The following CTDSPL variants were observed in gnomAD, a reference collection of about 807,000 sequenced individuals.
CTDSPL encodes CTD small phosphatase like.
CTDSPL carries 8 observed loss-of-function variants against 30.5 expected under a neutral mutation model. That is an observed-to-expected ratio of 0.26 (90% CI 0.15 to 0.47). The LOEUF (loss-of-function observed/expected upper bound fraction) is 0.47, where lower values mean the gene tolerates loss of function less well. Among genes scored for constraint, CTDSPL ranks in the 20% least tolerant of loss-of-function variants. The pLI is 0.99. For missense variants in CTDSPL, 248 were observed against 366.1 expected, an observed-to-expected ratio of 0.68 and a Z score of 2.63; for synonymous variants, 110 against 137.9, an observed-to-expected ratio of 0.80 and a Z score of 1.42.
intron 1 of CTDSPL, among the ~76,000 whole-genome samples, chr3:37,879,026 A>G (rs1223057792): frequency 6.6e-6 from 1 of 152,174 alleles, no homozygotes; most frequent in East Asian, 1.9e-4. Flanking sequence ...TGTGTGGGAC[A>G]CCTTTCTGGC....
intron 1 of CTDSPL, among the ~76,000 whole-genome samples, chr3:37,872,482 G>C (rs1698084043): frequency 1.4e-5 from 2 of 142,878 alleles, no homozygotes; most frequent in Non-Finnish European, 3.0e-5. Context: ...CATCAGGAAA[G>C]AAGCACTGCC....
At chr3:37,950,296 T>G (rs1699092620) in intron 2 of CTDSPL, among the ~76,000 whole-genome samples, 1 of 152,078 alleles carries the variant, frequency 6.6e-6, no homozygotes, top group Non-Finnish European at 1.5e-5. Flanking sequence ...CACAACCTGG[T>G]GCAAGCAAAG....
intron 1 of CTDSPL, among the ~76,000 whole-genome samples, chr3:37,933,596 C>T (rs969272069): frequency 2.0e-5 from 3 of 152,194 alleles, no homozygotes; most frequent in Non-Finnish European, 2.9e-5. Context: ...TGGGTTTGAA[C>T]AAACTCCACT....
intron 1 of CTDSPL, among the ~76,000 whole-genome samples, chr3:37,877,040 A>C (rs1249090365): frequency 6.6e-6 from 1 of 151,128 alleles, no homozygotes; most frequent in Non-Finnish European, 1.5e-5. Flanking sequence ...CAGGAGGCAA[A>C]GGTTGCAGTG....
intron 3 of CTDSPL, among the ~76,000 whole-genome samples, chr3:37,964,304 T>C (rs988533336): frequency 1.3e-5 from 2 of 152,188 alleles, no homozygotes; most frequent in Middle Eastern, 3.2e-3. Context: ...TAGGTATTAC[T>C]ATCCCAATTT....
intron 3 of CTDSPL, among the ~76,000 whole-genome samples, chr3:37,959,663 A>C (rs776909738): frequency 6.6e-6 from 1 of 152,196 alleles, no homozygotes; most frequent in Non-Finnish European, 1.5e-5. Context: ...GCTATTACAA[A>C]TATTTCTCTT....
At chr3:37,934,903 G>A (rs1400129644) in intron 1 of CTDSPL, among the ~76,000 whole-genome samples, 1 of 152,108 alleles carries the variant, frequency 6.6e-6, no homozygotes, top group Admixed American at 6.5e-5. Flanking sequence ...AGGTCCTAGG[G>A]GACTCAGATA....
At chr3:37,867,704 C>T (rs775819375) in intron 1 of CTDSPL, among the ~76,000 whole-genome samples, 11 of 152,094 alleles carry the variant, frequency 7.2e-5, no homozygotes, top group Non-Finnish European at 1.5e-4. Flanking sequence ...AGAGAGGTCC[C>T]ATGTACCCAT....
intron 7 of CTDSPL, among the ~76,000 whole-genome samples, chr3:37,980,013 A>T (rs1699471959): frequency 6.6e-6 from 1 of 152,134 alleles, no homozygotes; most frequent in South Asian, 2.1e-4. Flanking sequence ...TATTTTTCAA[A>T]GTTACGTAAT....
intron 1 of CTDSPL, among the ~76,000 whole-genome samples, chr3:37,904,926 C>T (rs1348228087): frequency 3.3e-5 from 5 of 152,106 alleles, no homozygotes; most frequent in Admixed American, 2.6e-4. Context: ...CAAAACATGA[C>T]TCAGTCTAAT....
intron 2 of CTDSPL, among the ~76,000 whole-genome samples, chr3:37,952,536 G>A (rs1488448655): frequency 6.6e-6 from 1 of 152,222 alleles, no homozygotes; most frequent in Non-Finnish European, 1.5e-5. Flanking sequence ...GAAAGTAAAT[G>A]CTTTCACAGA....
At chr3:37,957,050 C>G in intron 2 of CTDSPL, 61 bp from the exon 3 acceptor site, 1 of 1,405,152 alleles carries the variant, frequency 7.1e-7, no homozygotes. Context: ...TTTGAAGTTT[C>G]TTTTGAGAAT....
rs1362931267 is a variant in CTDSPL at position 37,975,937 on chromosome 3, C to A, written c.705+43C>A. ...AAGAAAATGTCGTGCTCCATCTGAG[C>A]CCTCTGTCTTGCCAGGCAGGTACCA... On this transcript the variant is annotated intron_variant, in intron 7 of 7. Coordinates refer to ENST00000273179, the MANE Select transcript of CTDSPL (RefSeq NM_001008392.2). The surrounding 1 kb of genome is among the most constrained non-coding windows in gnomAD (Gnocchi z 4.9). 3 of 1,587,736 alleles carry A rather than the reference C, an allele frequency of 1.9e-6. No homozygotes were observed. The highest frequency in any genetic ancestry group is 1.7e-5 in the Admixed American group (1 of 58,596).
At chr3:37,966,361 A>G (rs1193940452) in intron 4 of CTDSPL, among the ~76,000 whole-genome samples, 2 of 152,232 alleles carry the variant, frequency 1.3e-5, no homozygotes, top group Non-Finnish European at 1.5e-5. Context: ...GAAAATGTAC[A>G]TTTGTACAAT....
chr3:37,947,123 G>A lies in CTDSPL; in HGVS notation c.146G>A (p.Cys49Tyr). The change falls in exon 2 of 8, where the codon TGC becomes TAC. Residue 49 changes from cysteine to tyrosine, a missense_variant. Transcript: ENST00000273179. The stretch of plus-strand genomic sequence containing the variant: ...AGCATCCTTAGCTCCTTCTTCTGCT[G>A]CTTCCGTGATTACAATGTGGAGGCC... ...SRSILSSFFC[C>Y]FRDYNVEAPP... is the part of the protein sequence containing the mutation. 6.2e-7 allele frequency: 1 copy of A among 1,613,668 alleles called. No individual in the cohort carries two copies.
At chr3:37,864,091 A>G (rs899348855) in intron 1 of CTDSPL, among the ~76,000 whole-genome samples, 5 of 152,110 alleles carry the variant, frequency 3.3e-5, no homozygotes, top group Admixed American at 6.5e-5. Flanking sequence ...GGAGGCATCA[A>G]GGAGGTTTGC....
chr3:37,943,637 A>C (rs1699004372), intron 1 of CTDSPL, among the ~76,000 whole-genome samples: 1 of 150,328 alleles, frequency 6.7e-6, no homozygotes, highest in South Asian at 2.1e-4. Flanking sequence ...TATGCATTCA[A>C]CTATCTTTAA....
At chr3:37,941,837 C>A (rs2125620148) in intron 1 of CTDSPL, among the ~76,000 whole-genome samples, 1 of 150,522 alleles carries the variant, frequency 6.6e-6, no homozygotes, top group South Asian at 2.1e-4. Flanking sequence ...AGCTAGCCAC[C>A]TCTGTGGTCC....
At chr3:37,948,906 C>T (rs1290456037) in intron 2 of CTDSPL, among the ~76,000 whole-genome samples, 8 of 148,878 alleles carry the variant, frequency 5.4e-5, no homozygotes, top group African/African-American at 2.0e-4. Flanking sequence ...CTGCAAGCTC[C>T]GCTTCCCGGG....
Sources: allele counts gnomAD v4.1 joint callset (sites outside exome capture counted in the v4.1 genomes callset), GRCh38; gene constraint gnomAD v4.1.1; non-coding constraint Gnocchi (gnomAD v3.1); transcripts MANE v1.5; gene names NCBI Gene and HGNC (gene_info 2026-07-23, HGNC 2026-07-21).